NAALADL2: variants seen among roughly 807,000 people sequenced by gnomAD.
NAALADL2 encodes the protein N-acetylated alpha-linked acidic dipeptidase like 2, also known as inactive N-acetylated-alpha-linked acidic dipeptidase-like protein 2.
NAALADL2 carries 76 observed loss-of-function variants against 87.2 expected under a neutral mutation model. The observed-to-expected ratio is 0.87, with a 90% CI of 0.72 to 1.05. The LOEUF (loss-of-function observed/expected upper bound fraction) is 1.05, where lower values mean the gene tolerates loss of function less well. NAALADL2 is among the 50% of genes least tolerant of loss of function. NAALADL2 has a pLI of 0.00. For synonymous variants in NAALADL2, 354 were observed against 331.0 expected, an observed-to-expected ratio of 1.07 and a Z score of -0.75; for missense variants, 1,089 against 945.8, an observed-to-expected ratio of 1.15 and a Z score of -1.99.
chr3:174,640,482 GAA>G (rs1376249795), intron 2 of NAALADL2, among the ~76,000 whole-genome samples: 2 of 152,140 alleles, frequency 1.3e-5, no homozygotes, highest in East Asian at 1.9e-4. Flanking sequence ...GGAAAAATGG[GAA>G]AGAGTCCACC....
At chr3:175,672,433 G>GA (rs1734127091) in intron 11 of NAALADL2, among the ~76,000 whole-genome samples, 1 of 152,168 alleles carries the variant, frequency 6.6e-6, no homozygotes, top group Admixed American at 6.5e-5. Flanking sequence ...GCCGTTACGT[G>GA]AAAATACCAC....
At chr3:174,776,183 C>T (rs906398048) in intron 3 of NAALADL2, among the ~76,000 whole-genome samples, 1 of 152,114 alleles carries the variant, frequency 6.6e-6, no homozygotes, top group Non-Finnish European at 1.5e-5. Context: ...AAGTTTTTCT[C>T]TTTTGGCATG....
intron 13 of NAALADL2, among the ~76,000 whole-genome samples, chr3:175,780,815 A>G (rs1750951491): frequency 6.6e-6 from 1 of 152,248 alleles, no homozygotes; most frequent in Non-Finnish European, 1.5e-5. Flanking sequence ...AATAGGCATC[A>G]TTAAAAATGT....
Position 175,567,488 on chromosome 3 carries a change from G to A in NAALADL2, c.1654-8553G>A, listed in dbSNP as rs566372956. Among the ~76,000 whole-genome samples the A allele has an allele frequency of 2.6e-5, 4 of 151,684 alleles. No individual in the cohort carries two copies. The South Asian group carries it at 8.3e-4, about 32-fold the overall frequency. The stretch of plus-strand genomic sequence containing the variant: ...TATAAAAGAACATTTTTCTATACCC[G>A]ATAACAAGATTAAGGTCGTATAAAT... On this transcript the variant is annotated intron_variant, in intron 9 of 13. Coordinates refer to ENST00000454872, the MANE Select transcript of NAALADL2 (RefSeq NM_207015.3).
Position 175,353,948 on chromosome 3 carries a change from ATGT to A in NAALADL2, c.1090+29624_1090+29626del, listed in dbSNP as rs386668458. 8.5e-4 allele frequency among the ~76,000 whole-genome samples: 130 copies of A among 152,334 alleles called. 3 individuals carry two copies. The highest frequency in any genetic ancestry group is 3.4e-3 in the Middle Eastern group (1 of 294). ...AACAGCTGGAAGATTGACATCATAT[ATGT>A]AACACATTTGTTGTTTGTATACTTA... On this transcript the variant is annotated intron_variant, in intron 5 of 13. Transcript: ENST00000454872.
chr3:175,055,881 G>C (rs1037885027), intron 1 of NAALADL2, among the ~76,000 whole-genome samples: 13 of 152,228 alleles, frequency 8.5e-5, no homozygotes, highest in African/African-American at 2.6e-4. Flanking sequence ...ATTACCTCCA[G>C]TACCATCACA....
At chr3:175,121,427 G>C (rs1207555182) in intron 2 of NAALADL2, among the ~76,000 whole-genome samples, 1 of 151,866 alleles carries the variant, frequency 6.6e-6, no homozygotes, top group Non-Finnish European at 1.5e-5. Context: ...AATGGATAGG[G>C]TGAAGAGCAG....
In NAALADL2 at chr3:175,787,235, TC is replaced by T. The variant is rs1000007970; in HGVS notation, c.2190-15768del. On this transcript the variant is annotated intron_variant, in intron 13 of 13. Transcript: ENST00000454872. The stretch of plus-strand genomic sequence containing the variant: ...CAGGCCTCCTTGAGCTGTGGTGGGC[TC>T]CACCCAGTTCGAGCTTCCCGGCTGC... Among the ~76,000 whole-genome samples the T allele has an allele frequency of 2.6e-4, 40 of 152,280 alleles. No homozygotes were observed. The East Asian group carries it at 6.8e-3, about 26-fold the overall frequency.
In NAALADL2 at chr3:175,285,715, C is replaced by T. The variant is rs114444622; in HGVS notation, c.939+29185C>T. The stretch of plus-strand genomic sequence containing the variant: ...CATTTCAGTATCATATTTTATAAAC[C>T]GTGCTATCTATATCTATATTTTAAA... On this transcript the variant is annotated intron_variant, in intron 4 of 13. Transcript: ENST00000454872. 4.9e-3 allele frequency among the ~76,000 whole-genome samples: 743 copies of T among 151,968 alleles called. 7 individuals carry two copies. The highest frequency in any genetic ancestry group is 0.017 in the African/African-American group (720 of 41,470).
intron 2 of NAALADL2, among the ~76,000 whole-genome samples, chr3:175,135,314 C>T (rs928296376): frequency 3.9e-5 from 6 of 152,060 alleles, no homozygotes; most frequent in African/African-American, 1.4e-4. Flanking sequence ...AGTGATAATT[C>T]ATTGTGTTGG....
chr3:175,372,968 G>T (rs1766685585), intron 5 of NAALADL2, among the ~76,000 whole-genome samples: 2 of 152,132 alleles, frequency 1.3e-5, no homozygotes, highest in African/African-American at 2.4e-5. Flanking sequence ...TACGTTTGTG[G>T]CCAGACAGTG....
intron 2 of NAALADL2, among the ~76,000 whole-genome samples, chr3:174,690,193 T>C (rs1156903564): frequency 6.6e-6 from 1 of 152,210 alleles, no homozygotes; most frequent in Admixed American, 6.5e-5. Flanking sequence ...GTTTTGATTG[T>C]CTAGAAAATG....
At chr3:174,630,014 G>T (rs9859144) in intron 2 of NAALADL2, among the ~76,000 whole-genome samples, 25,472 of 152,016 alleles carry the variant, frequency 0.17, 2,436 homozygotes, top group East Asian at 0.28. Flanking sequence ...TTTGGGGCAG[G>T]TTTATGTATA....
intron 1 of NAALADL2, among the ~76,000 whole-genome samples, chr3:174,905,703 G>C (rs1732876429): frequency 6.6e-6 from 1 of 152,030 alleles, no homozygotes. Flanking sequence ...TTTTGTGGGA[G>C]AGTATAAGAA....
intron 11 of NAALADL2, among the ~76,000 whole-genome samples, chr3:175,667,722 G>A (rs1184703463): frequency 6.7e-6 from 1 of 149,144 alleles, no homozygotes; most frequent in Admixed American, 6.7e-5. Context: ...CATAACCTCA[G>A]ATATCTGTGT....
intron 9 of NAALADL2, among the ~76,000 whole-genome samples, chr3:175,501,363 T>A (rs1729514980): frequency 6.6e-6 from 1 of 151,950 alleles, no homozygotes; most frequent in Non-Finnish European, 1.5e-5. Flanking sequence ...CCTCCACAAT[T>A]ATATTACCCT....
At chr3:174,874,722 A>G (rs1728259232) in intron 1 of NAALADL2, among the ~76,000 whole-genome samples, 1 of 152,134 alleles carries the variant, frequency 6.6e-6, no homozygotes, top group Non-Finnish European at 1.5e-5. Flanking sequence ...ATATTTTACA[A>G]ATGTCCTATT....
intron 11 of NAALADL2, among the ~76,000 whole-genome samples, chr3:175,670,207 CAATCTGGCTCCAGT>C (rs1733750432): frequency 6.6e-6 from 1 of 151,770 alleles, no homozygotes; most frequent in Non-Finnish European, 1.5e-5. Context: ...TGAATCCAGG[CAATCTGGCTCCAGT>C]GTCTATGTGC....
At chr3:175,139,557 T>C (rs1208712653) in intron 2 of NAALADL2, among the ~76,000 whole-genome samples, 1 of 152,014 alleles carries the variant, frequency 6.6e-6, no homozygotes, top group Non-Finnish European at 1.5e-5. Flanking sequence ...CGTAGATGAT[T>C]CATATATCTT....
Sources: gnomAD v4.1 joint callset for allele counts (sites outside exome capture counted in the v4.1 genomes callset) on GRCh38, gnomAD v4.1.1 for gene constraint, MANE v1.5 for transcripts, NCBI Gene and HGNC (gene_info 2026-07-23, HGNC 2026-07-21) for gene names.